The following GABBR2 variants were observed in gnomAD, a reference collection of about 807,000 sequenced individuals.
GABBR2 encodes the protein G-protein coupled receptor 51.
In GABBR2, 23 loss-of-function variants were observed where a neutral mutation model predicts 105.6. That is an observed-to-expected ratio of 0.22 (90% confidence interval 0.16 to 0.31). The LOEUF (loss-of-function observed/expected upper bound fraction) is 0.31. GABBR2 is among the 10% of genes least tolerant of loss of function. The probability of loss-of-function intolerance (pLI) is 1.00; values close to 1 mark genes in which losing one functional copy is unlikely to be tolerated. For missense variants in GABBR2, 734 were observed against 1,245.5 expected (o/e 0.59, Z 6.18); for synonymous variants, 478 against 499.7 (o/e 0.96, Z 0.58).
chr9:98,325,288 T>C (rs1830902504), intron 13 of GABBR2, among the ~76,000 whole-genome samples: 1 of 133,478 alleles, frequency 7.5e-6, no homozygotes, highest in African/African-American at 2.9e-5. Context: ...CAATTCTTTT[T>C]TTTTTTTTTT....
intron 1 of GABBR2, chr9:98,606,858 A>G (rs1776156017): frequency 2.0e-6 from 1 of 502,064 alleles, no homozygotes; most frequent in African/African-American, 1.9e-5. Context: ...TGCTGAGGAG[A>G]GAAGCGTCCA....
At chr9:98,429,156 T>TGTGTGTGTGTGTG (rs1825755214) in intron 7 of GABBR2, among the ~76,000 whole-genome samples, 5 of 120,682 alleles carry the variant, frequency 4.1e-5, no homozygotes, top group South Asian at 2.7e-4. Context: ...GTGTGTGTGT[T>TGTGTGTGTGTGTG]TGAGACAAAG....
At chr9:98,321,199 C>T (rs993802702) in intron 13 of GABBR2, among the ~76,000 whole-genome samples, 5 of 152,032 alleles carry the variant, frequency 3.3e-5, no homozygotes, top group Admixed American at 6.5e-5. Flanking sequence ...TCCCAGCTGA[C>T]GTGGGACAAG....
In GABBR2 at chr9:98,489,832, G is replaced by A. The variant is rs141802390; in HGVS notation, c.732+6581C>T. 7.0e-3 allele frequency among the ~76,000 whole-genome samples: 1,066 copies of A among 152,316 alleles called. 12 individuals carry two copies. The highest frequency in any genetic ancestry group is 0.025 in the African/African-American group (1,024 of 41,572). On this transcript the variant is annotated intron_variant, in intron 4 of 18. Transcript: ENST00000259455. Reference sequence around the variant, plus strand: ...GTTATGCTTGGCACAGGTGGCTCACGCCTGTAATCCAGCACTTTGGGAGGT... The same window carrying A: ...GTTATGCTTGGCACAGGTGGCTCACACCTGTAATCCAGCACTTTGGGAGGT...
intron 8 of GABBR2, among the ~76,000 whole-genome samples, chr9:98,399,989 C>G (rs919853834): frequency 6.9e-6 from 1 of 144,228 alleles, no homozygotes. Flanking sequence ...CCTGCTTGGG[C>G]AACATAGCGA....
chr9:98,495,459 T>A (rs1827258431), intron 4 of GABBR2, among the ~76,000 whole-genome samples: 1 of 152,028 alleles, frequency 6.6e-6, no homozygotes, highest in East Asian at 1.9e-4. Context: ...ATAGCTCTGA[T>A]GACACTGGCA....
intron 13 of GABBR2, among the ~76,000 whole-genome samples, chr9:98,341,561 G>A (rs527753286): frequency 2.0e-5 from 3 of 152,336 alleles, no homozygotes; most frequent in African/African-American, 7.2e-5. Flanking sequence ...GCTGAGCGTT[G>A]AATTTGGCTC....
intron 1 of GABBR2, among the ~76,000 whole-genome samples, chr9:98,594,353 G>A (rs550780916): frequency 1.4e-4 from 21 of 152,338 alleles, no homozygotes; most frequent in African/African-American, 4.8e-4. Context: ...CGCAGGGGGT[G>A]ACGCCTGGTG....
At chr9:98,688,369 T>C (rs1830645067) in intron 1 of GABBR2, among the ~76,000 whole-genome samples, 1 of 137,424 alleles carries the variant, frequency 7.3e-6, no homozygotes. Flanking sequence ...TCCAAATCAC[T>C]AATTTAAGAA....
chr9:98,402,577 G>C (rs1352646369), intron 8 of GABBR2, among the ~76,000 whole-genome samples: 1 of 152,118 alleles, frequency 6.6e-6, no homozygotes, highest in East Asian at 1.9e-4. Flanking sequence ...CCTAGGATGC[G>C]CTGTTAGTGG....
At chr9:98,528,651 C>A (rs1392895222) in intron 3 of GABBR2, among the ~76,000 whole-genome samples, 1 of 151,770 alleles carries the variant, frequency 6.6e-6, no homozygotes. Flanking sequence ...AAAGTGCCAA[C>A]AACATGAACA....
intron 1 of GABBR2, among the ~76,000 whole-genome samples, chr9:98,659,734 T>G (rs1054283517): frequency 5.3e-5 from 8 of 152,082 alleles, no homozygotes; most frequent in Non-Finnish European, 1.0e-4. Context: ...TTGGCCAGGC[T>G]GGTCTTGAAC....
intron 13 of GABBR2, among the ~76,000 whole-genome samples, chr9:98,349,245 G>T (rs189498492): frequency 2.7e-5 from 4 of 150,734 alleles, no homozygotes; most frequent in African/African-American, 9.8e-5. Context: ...ATCTGTTTAC[G>T]TTGAATCATT....
At chr9:98,456,083 G>T (rs562784676) in intron 6 of GABBR2, among the ~76,000 whole-genome samples, 1 of 152,132 alleles carries the variant, frequency 6.6e-6, no homozygotes, top group South Asian at 2.1e-4. Context: ...CCCTGAGTTC[G>T]TCCTGTTACT....
At chr9:98,370,393 A>G (rs943639877) in intron 12 of GABBR2, among the ~76,000 whole-genome samples, 9 of 152,168 alleles carry the variant, frequency 5.9e-5, no homozygotes, top group African/African-American at 2.2e-4. Flanking sequence ...GGCCACTGCA[A>G]TCCTTGCCAG....
Position 98,597,486 on chromosome 9 carries a change from T to C in GABBR2, c.322-19414A>G, listed in dbSNP as rs527658892. 3.9e-5 allele frequency among the ~76,000 whole-genome samples: 6 copies of C among 152,242 alleles called. No homozygotes were observed. In the East Asian group the frequency reaches 1.2e-3, roughly 29 times the overall value. The stretch of plus-strand genomic sequence containing the variant: ...AGCTGCATGTCCACAGCAACCCCCA[T>C]TTTACAGAGTTGGAAACAGAAGCTC... On this transcript the variant is annotated intron_variant, in intron 1 of 18. Coordinates refer to ENST00000259455, the MANE Select transcript of GABBR2 (RefSeq NM_005458.8).
intron 6 of GABBR2, among the ~76,000 whole-genome samples, chr9:98,468,708 A>G (rs1183115434): frequency 6.6e-6 from 1 of 152,186 alleles, no homozygotes; most frequent in Non-Finnish European, 1.5e-5. Context: ...AAAGCACCCT[A>G]GAAGTTACCT....
intron 7 of GABBR2, among the ~76,000 whole-genome samples, chr9:98,446,863 C>A (rs1414393154): frequency 6.6e-6 from 1 of 152,080 alleles, no homozygotes; most frequent in Non-Finnish European, 1.5e-5. Flanking sequence ...CTAACAAGTT[C>A]TCCAGTGACA....
intron 1 of GABBR2, among the ~76,000 whole-genome samples, chr9:98,660,838 C>A (rs960514392): frequency 6.6e-6 from 1 of 152,202 alleles, no homozygotes; most frequent in East Asian, 1.9e-4. Context: ...CCTCCTGCCT[C>A]CTTCTTATAA....
Sources: gnomAD v4.1 joint callset for allele counts (sites outside exome capture counted in the v4.1 genomes callset) on GRCh38, gnomAD v4.1.1 for gene constraint, MANE v1.5 for transcripts, NCBI Gene and HGNC (gene_info 2026-07-23, HGNC 2026-07-21) for gene names.